The following AFF3 variants were observed in gnomAD, a reference collection of about 807,000 sequenced individuals.
AFF3 encodes the protein ALF transcription elongation factor 3.
A neutral mutation model predicts 129.7 loss-of-function variants in AFF3; 32 were observed. The observed-to-expected ratio is 0.25, with a 90% CI of 0.19 to 0.33. The LOEUF (loss-of-function observed/expected upper bound fraction) is 0.33, where lower values mean the gene tolerates loss of function less well. Among genes scored for constraint, AFF3 ranks in the 10% least tolerant of loss-of-function variants. The pLI is 1.00. For synonymous variants in AFF3, 644 were observed against 635.4 expected (o/e 1.01, Z -0.20); for missense variants, 1,373 against 1,592.0 (o/e 0.86, Z 2.34).
chr2:99,906,127 T>C (rs1015431638), intron 7 of AFF3, among the ~76,000 whole-genome samples: 2 of 152,222 alleles, frequency 1.3e-5, no homozygotes, highest in African/African-American at 4.8e-5. Context: ...TTCTAAATAA[T>C]GCGAAGATAA....
At chr2:99,745,276 T>C (rs539849777) in intron 9 of AFF3, among the ~76,000 whole-genome samples, 2 of 152,284 alleles carry the variant, frequency 1.3e-5, no homozygotes, top group Admixed American at 1.3e-4. Flanking sequence ...TACTAGACTG[T>C]TACCACATTT....
intron 2 of AFF3, among the ~76,000 whole-genome samples, chr2:100,125,839 T>G (rs1573467030): frequency 6.6e-6 from 1 of 151,860 alleles, no homozygotes; most frequent in African/African-American, 2.4e-5. Flanking sequence ...AGGGGGTGGG[T>G]GACAGGCTCC....
Position 99,578,438 on chromosome 2 carries a change from T to C in AFF3, c.2807A>G (p.Asn936Ser). The C allele has an allele frequency of 6.2e-7, 1 of 1,610,700 alleles. No individual in the cohort carries two copies. The highest frequency in any genetic ancestry group is 8.5e-7 in the Non-Finnish European group (1 of 1,178,844). The change falls in exon 18 of 25, where the codon AAC becomes AGC. Residue 936 changes from asparagine to serine, a missense_variant. Around this residue, in one of 9 missense-constraint regions of AFF3, gnomAD observed 466 missense variants for 505.0 expected, o/e 0.92. Transcript: ENST00000672756. ...HGGDLTKAAH[N>S]NSENIPLHKS... ...GTGGAGGGGAATGTTTTCAGAATTG[T>C]TGTGAGCTGCTTTCTAAACAACAAA...
At chr2:100,054,913 G>A (rs1686640629) in intron 4 of AFF3, among the ~76,000 whole-genome samples, 1 of 152,158 alleles carries the variant, frequency 6.6e-6, no homozygotes, top group South Asian at 2.1e-4. Context: ...AGCTGAACCA[G>A]CCACATTCCC....
intron 7 of AFF3, among the ~76,000 whole-genome samples, chr2:99,877,597 A>C (rs2105996270): frequency 6.6e-6 from 1 of 152,246 alleles, no homozygotes; most frequent in East Asian, 1.9e-4. Flanking sequence ...TCAGAAGTTC[A>C]GACCATGTTC....
intron 17 of AFF3, chr2:99,580,929 A>C (rs1442504710): frequency 1.3e-5 from 2 of 152,274 alleles, no homozygotes; most frequent in African/African-American, 4.8e-5. Context: ...CTTTGCAGAA[A>C]GTTTGCCACT....
intron 7 of AFF3, among the ~76,000 whole-genome samples, chr2:99,879,811 T>C (rs978813444): frequency 2.0e-5 from 3 of 152,216 alleles, no homozygotes; most frequent in Admixed American, 2.0e-4. Context: ...TATGTCCTTT[T>C]TGATTACTAT....
chr2:99,879,464 CGTGT>C (rs1302610221), intron 7 of AFF3, among the ~76,000 whole-genome samples: 1 of 152,156 alleles, frequency 6.6e-6, no homozygotes, highest in African/African-American at 2.4e-5. Flanking sequence ...AAAACTACAG[CGTGT>C]GTATCAGTAT....
intron 7 of AFF3, among the ~76,000 whole-genome samples, chr2:99,957,570 C>T (rs953891270): frequency 2.0e-5 from 3 of 152,150 alleles, no homozygotes; most frequent in Admixed American, 6.6e-5. Flanking sequence ...CTACAGAGCA[C>T]TCACGAGGCA....
intron 2 of AFF3, 119 bp from the exon 3 acceptor site, chr2:100,105,702 C>T: frequency 7.4e-7 from 1 of 1,358,094 alleles, no homozygotes; most frequent in Non-Finnish European, 9.8e-7. Context: ...GCGCATGTCT[C>T]CATCAGGGCC....
At chr2:99,977,340 T>C (rs955132023) in intron 7 of AFF3, among the ~76,000 whole-genome samples, 9 of 152,134 alleles carry the variant, frequency 5.9e-5, no homozygotes, top group Non-Finnish European at 1.0e-4. Flanking sequence ...TCCACCACCA[T>C]AGGGAACCCA....
intron 13 of AFF3, among the ~76,000 whole-genome samples, chr2:99,615,805 A>T (rs1467796807): frequency 6.6e-6 from 1 of 152,368 alleles, no homozygotes; most frequent in African/African-American, 2.4e-5. Flanking sequence ...GAATAACCTC[A>T]GCAGTGTTTC....
intron 4 of AFF3, among the ~76,000 whole-genome samples, chr2:100,013,616 A>C (rs1480039460): frequency 6.6e-6 from 1 of 152,232 alleles, no homozygotes; most frequent in Non-Finnish European, 1.5e-5. Flanking sequence ...TGACAAGCCC[A>C]GTAGTGAGAA....
chr2:99,604,170 C>T (rs577592848), intron 13 of AFF3, among the ~76,000 whole-genome samples: 72 of 152,222 alleles, frequency 4.7e-4, no homozygotes, highest in African/African-American at 1.6e-3. Flanking sequence ...GACACATGCA[C>T]GCGTATGTTC....
chr2:99,761,382 T>A (rs948648731), intron 8 of AFF3, among the ~76,000 whole-genome samples: 9 of 152,156 alleles, frequency 5.9e-5, no homozygotes, highest in African/African-American at 1.9e-4. Context: ...GTTTCCATTT[T>A]CACGTCTACT....
chr2:99,591,329 G>A (rs1251618907), intron 15 of AFF3, among the ~76,000 whole-genome samples: 1 of 152,112 alleles, frequency 6.6e-6, no homozygotes, highest in African/African-American at 2.4e-5. Context: ...TGGGACTACA[G>A]GTGTGCACCA....
chr2:100,081,041 C>A (rs989715114), intron 4 of AFF3, among the ~76,000 whole-genome samples: 1 of 151,980 alleles, frequency 6.6e-6, no homozygotes, highest in African/African-American at 2.4e-5. Context: ...TCTAAGTTTT[C>A]TGCTGGGGGC....
intron 7 of AFF3, among the ~76,000 whole-genome samples, chr2:99,970,331 AC>A (rs1259702936): frequency 6.6e-6 from 1 of 152,000 alleles, no homozygotes. Flanking sequence ...CTGCTTTCAA[AC>A]AATCACAGAT....
At chr2:100,006,537 C>T in intron 7 of AFF3, 95 bp downstream of exon 7, 2 of 1,451,860 alleles carry the variant, frequency 1.4e-6, no homozygotes, top group South Asian at 2.9e-5. Context: ...AACCACATCA[C>T]TGAAAAAAAA....
Sources: gnomAD v4.1 joint callset for allele counts (sites outside exome capture counted in the v4.1 genomes callset) on GRCh38, gnomAD v4.1.1 for gene constraint, gnomAD v4.1.1 regional missense constraint, MANE v1.5 for transcripts, NCBI Gene and HGNC (gene_info 2026-07-23, HGNC 2026-07-21) for gene names.